PTPRT: variants seen among roughly 807,000 people sequenced by gnomAD.
PTPRT encodes the protein protein tyrosine phosphatase receptor type T, also known as receptor-type tyrosine-protein phosphatase T.
Under a neutral mutation model 176.8 loss-of-function variants are expected in PTPRT, and 56 were observed. That is an observed-to-expected ratio of 0.32 (90% confidence interval 0.26 to 0.40). The LOEUF (loss-of-function observed/expected upper bound fraction) is 0.40. Ranked by LOEUF, PTPRT falls within the 10% of genes least tolerant of loss-of-function variation. The probability of loss-of-function intolerance (pLI) is 1.00; values close to 1 mark genes in which losing one functional copy is unlikely to be tolerated. For missense variants in PTPRT, 1,540 were observed against 1,908.2 expected (o/e 0.81, Z 3.60); for synonymous variants, 783 against 739.0 (o/e 1.06, Z -0.96).
chr20:42,821,327 T>C (rs969974669), intron 2 of PTPRT, among the ~76,000 whole-genome samples: 5 of 152,194 alleles, frequency 3.3e-5, no homozygotes, highest in East Asian at 3.9e-4. Context: ...ATTATCTCAA[T>C]AGGTACAGAA....
chr20:42,717,983 G>A (rs139176563), intron 6 of PTPRT, among the ~76,000 whole-genome samples: 1 of 152,302 alleles, frequency 6.6e-6, no homozygotes, highest in East Asian at 1.9e-4. Flanking sequence ...CTACCAGAAT[G>A]GCTAATATTA....
At chr20:43,033,763 G>C (rs762526088) in intron 1 of PTPRT, among the ~76,000 whole-genome samples, 16 of 152,152 alleles carry the variant, frequency 1.1e-4, no homozygotes, top group Non-Finnish European at 2.1e-4. Context: ...CAGATGCTAA[G>C]GTCATCAGGA....
At chr20:43,084,270 T>C (rs965313056) in intron 1 of PTPRT, among the ~76,000 whole-genome samples, 4 of 152,218 alleles carry the variant, frequency 2.6e-5, no homozygotes, top group Admixed American at 6.5e-5. Context: ...TTTGCTGTAT[T>C]AGTCCATTTT....
intron 9 of PTPRT, among the ~76,000 whole-genome samples, chr20:42,405,854 G>A (rs1444333907): frequency 6.6e-6 from 1 of 152,070 alleles, no homozygotes; most frequent in East Asian, 1.9e-4. Context: ...TCCAGCGCCT[G>A]TTGTTTCCTG....
intron 2 of PTPRT, among the ~76,000 whole-genome samples, chr20:42,859,925 T>G (rs2078632913): frequency 6.6e-6 from 1 of 152,114 alleles, no homozygotes; most frequent in Non-Finnish European, 1.5e-5. Flanking sequence ...ATGTTTAGGT[T>G]CTTAGGGACA....
At chr20:42,374,764 A>G (rs1230574968) in intron 9 of PTPRT, among the ~76,000 whole-genome samples, 1 of 152,224 alleles carries the variant, frequency 6.6e-6, no homozygotes, top group Non-Finnish European at 1.5e-5. Flanking sequence ...ATTTAAAATG[A>G]TAATACAGAG....
chr20:43,171,865 G>A lies in PTPRT; in HGVS notation c.88+17781C>T, dbSNP rs370509525. Among the ~76,000 whole-genome samples the A allele has an allele frequency of 2.6e-5, 4 of 152,276 alleles. 1 individual carries two copies. The highest frequency in any genetic ancestry group is 1.9e-4 in the East Asian group (1 of 5,176). On this transcript the variant is annotated intron_variant, in intron 1 of 30. Transcript: ENST00000373187. ...AGAAAGTAGTGAGGCAGAAAGAGCAGAGGACAAGTACCCTAACCCCTCTCC... is the reference window on the plus strand; with the variant it reads ...AGAAAGTAGTGAGGCAGAAAGAGCAAAGGACAAGTACCCTAACCCCTCTCC...
At chr20:42,741,251 C>CTTTGGGTTGATAAAAT (rs371059050) in intron 6 of PTPRT, among the ~76,000 whole-genome samples, 52 of 152,344 alleles carry the variant, frequency 3.4e-4, no homozygotes, top group African/African-American at 1.1e-3. Flanking sequence ...AAATTTGGGA[C>CTTTGGGTTGATAAAAT]TGGGTGAACT....
intron 1 of PTPRT, among the ~76,000 whole-genome samples, chr20:42,886,612 A>T (rs1426500950): frequency 6.6e-6 from 1 of 152,242 alleles, no homozygotes; most frequent in African/African-American, 2.4e-5. Context: ...AATAAAGTCA[A>T]TGTTGATCAT....
chr20:42,983,058 C>A (rs375674903), intron 1 of PTPRT, among the ~76,000 whole-genome samples: 87 of 152,278 alleles, frequency 5.7e-4, no homozygotes, highest in African/African-American at 2.0e-3. Flanking sequence ...CAGGCTGGCT[C>A]CGGTGGCTCC....
intron 15 of PTPRT, among the ~76,000 whole-genome samples, chr20:42,235,480 T>G (rs1043903776): frequency 2.0e-5 from 3 of 152,032 alleles, no homozygotes; most frequent in Admixed American, 6.5e-5. Flanking sequence ...AGGCTGGTCT[T>G]GAACTCCTGA....
intron 16 of PTPRT, among the ~76,000 whole-genome samples, chr20:42,169,424 G>A (rs921491532): frequency 6.6e-6 from 1 of 152,018 alleles, no homozygotes; most frequent in Non-Finnish European, 1.5e-5. Context: ...TCTATGTAGG[G>A]ATGGGGGCTA....
intron 15 of PTPRT, among the ~76,000 whole-genome samples, chr20:42,212,416 C>CA (rs34652089): frequency 0.076 from 6,917 of 90,462 alleles, 232 homozygotes; most frequent in Non-Finnish European, 0.097. Context: ...TCTTTTTTCT[C>CA]AAAAAAAAAA....
At chr20:42,071,630 C>T (rs1378676915), downstream of PTPRT, among the ~76,000 whole-genome samples, 15 of 152,200 alleles carry the variant, frequency 9.9e-5, no homozygotes, top group East Asian at 2.9e-3. Flanking sequence ...GGTTTCATAC[C>T]TAAGCTCAGC....
At chr20:42,686,129 C>T (rs1434810686) in intron 6 of PTPRT, 1 of 152,200 alleles carries the variant, frequency 6.6e-6, no homozygotes, top group Non-Finnish European at 1.5e-5. Context: ...TACCTGTTTC[C>T]TCATTTTTCT....
At chr20:42,150,307 C>A (rs1989070533) in intron 17 of PTPRT, among the ~76,000 whole-genome samples, 1 of 152,190 alleles carries the variant, frequency 6.6e-6, no homozygotes, top group Non-Finnish European at 1.5e-5. Context: ...TGCAATGCCC[C>A]CCTTCACTCT....
At chr20:42,402,018 G>T (rs528685680) in intron 9 of PTPRT, among the ~76,000 whole-genome samples, 1 of 152,234 alleles carries the variant, frequency 6.6e-6, no homozygotes, top group South Asian at 2.1e-4. Context: ...ATTTGAAATT[G>T]GTTCGCTCTG....
At chr20:42,423,178 T>TAAAAAAAAAAAAAA (rs34775268) in intron 9 of PTPRT, among the ~76,000 whole-genome samples, 2 of 88,112 alleles carry the variant, frequency 2.3e-5, no homozygotes, top group African/African-American at 4.4e-5. Context: ...ACCTTAAAAG[T>TAAAAAAAAAAAAAA]AAAAAAAAAA....
At chr20:42,403,122 T>C (rs2058926458) in intron 9 of PTPRT, among the ~76,000 whole-genome samples, 1 of 152,180 alleles carries the variant, frequency 6.6e-6, no homozygotes, top group African/African-American at 2.4e-5. Context: ...CCTTTTCTTT[T>C]TCCTACTCAT....
Sources: allele counts gnomAD v4.1 joint callset (sites outside exome capture counted in the v4.1 genomes callset), GRCh38; gene constraint gnomAD v4.1.1; transcripts MANE v1.5; gene names NCBI Gene and HGNC (gene_info 2026-07-23, HGNC 2026-07-21).